The following FAM107B variants were observed in gnomAD, a reference collection of about 807,000 sequenced individuals.
FAM107B encodes protein FAM107B.
In FAM107B, 21 loss-of-function variants were observed where a neutral mutation model predicts 31.5. That is an observed-to-expected ratio of 0.67 (90% confidence interval 0.47 to 0.96). The LOEUF (loss-of-function observed/expected upper bound fraction) is 0.96. Among genes scored for constraint, FAM107B ranks in the 40% least tolerant of loss-of-function variants. The pLI, the probability that FAM107B is intolerant of heterozygous loss-of-function variation, is 0.00. For synonymous variants in FAM107B, 157 were observed against 141.5 expected (o/e 1.11, Z -0.78); for missense variants, 452 against 377.1 (o/e 1.20, Z -1.64).
Position 14,521,265 on chromosome 10 carries a change from A to G in FAM107B, c.846T>C (p.Asn282=), listed in dbSNP as rs191623973. The G allele has an allele frequency of 2.9e-5, 47 of 1,614,072 alleles. No homozygotes were observed. In the African/African-American group the frequency reaches 5.6e-4, roughly 19 times the overall value. ...CTTTCACCTTCACAAACTCGGGGGC[A>G]TTTTCTTGCTCTTCTTGCAATTTCT... The part of the protein sequence containing the change: ...EKQKLQEEQE[N]APEFVKVKGN... Residue 282 remains asparagine, a synonymous_variant, in exon 5 of 5, where the codon AAT becomes AAC. Transcript: ENST00000181796.
chr10:14,595,463 T>A (rs2131353916), intron 2 of FAM107B, among the ~76,000 whole-genome samples: 1 of 139,084 alleles, frequency 7.2e-6, no homozygotes, highest in South Asian at 2.4e-4. Flanking sequence ...TCTTGCTCTG[T>A]CACCCAGGCT....
At chr10:14,574,627 G>A (rs1851407600) in intron 2 of FAM107B, among the ~76,000 whole-genome samples, 1 of 152,194 alleles carries the variant, frequency 6.6e-6, no homozygotes, top group Non-Finnish European at 1.5e-5. Flanking sequence ...ACTGAGAAAA[G>A]GCTTAGCACA....
chr10:14,717,507 A>G (rs1404539087), intron 1 of FAM107B, among the ~76,000 whole-genome samples: 1 of 152,164 alleles, frequency 6.6e-6, no homozygotes, highest in African/African-American at 2.4e-5. Context: ...CTGGAGCAAG[A>G]CCCAGAGTCC....
At chr10:14,579,967 A>ATCTT (rs774815121) in intron 2 of FAM107B, among the ~76,000 whole-genome samples, 42 of 151,900 alleles carry the variant, frequency 2.8e-4, no homozygotes, top group Non-Finnish European at 5.0e-4. Context: ...AGTTGCAGTG[A>ATCTT]GCTGAGATCA....
chr10:14,622,308 A>ATTTT (rs35444318), intron 2 of FAM107B, among the ~76,000 whole-genome samples: 4 of 136,536 alleles, frequency 2.9e-5, no homozygotes, highest in East Asian at 2.1e-4. Context: ...AGTATGAGAG[A>ATTTT]TTTTTTTTTT....
chr10:14,644,941 C>T (rs1254869916), intron 2 of FAM107B, among the ~76,000 whole-genome samples: 1 of 152,168 alleles, frequency 6.6e-6, no homozygotes, highest in Non-Finnish European at 1.5e-5. Flanking sequence ...AGTAGGTGCT[C>T]AATAAATATT....
chr10:14,633,055 T>C (rs1390973617), intron 2 of FAM107B, among the ~76,000 whole-genome samples: 4 of 151,926 alleles, frequency 2.6e-5, no homozygotes, highest in African/African-American at 9.7e-5. Context: ...AAAAATTAGC[T>C]GGGCGTAGTG....
intron 2 of FAM107B, among the ~76,000 whole-genome samples, chr10:14,599,350 G>A (rs1195496810): frequency 2.0e-5 from 3 of 152,282 alleles, no homozygotes; most frequent in Middle Eastern, 3.4e-3. Context: ...CTAAGGGGGT[G>A]CTGTTCTTAC....
At chr10:14,723,799 G>T (rs1159878047) in intron 1 of FAM107B, 2 of 757,802 alleles carry the variant, frequency 2.6e-6, no homozygotes, top group South Asian at 1.3e-5. Flanking sequence ...CTTCAGCAGG[G>T]CCCTCTGGCC....
chr10:14,648,409 A>T (rs1229467964), intron 2 of FAM107B, among the ~76,000 whole-genome samples: 1 of 152,186 alleles, frequency 6.6e-6, no homozygotes, highest in African/African-American at 2.4e-5. Context: ...GTTGCTAGGG[A>T]ACCACTTCCT....
At chr10:14,610,644 C>T (rs560325600) in intron 2 of FAM107B, among the ~76,000 whole-genome samples, 2 of 152,148 alleles carry the variant, frequency 1.3e-5, no homozygotes, top group Non-Finnish European at 2.9e-5. Flanking sequence ...TCTGAAAGAA[C>T]ATGCTAGAAA....
chr10:14,529,713 G>T (rs994302391), intron 3 of FAM107B: 9 of 152,274 alleles, frequency 5.9e-5, no homozygotes, highest in African/African-American at 2.2e-4. Context: ...TTAAAAAGCA[G>T]AGTATAGCAA....
chr10:14,719,155 C>T (rs1223071213), intron 1 of FAM107B, among the ~76,000 whole-genome samples: 1 of 152,192 alleles, frequency 6.6e-6, no homozygotes, highest in African/African-American at 2.4e-5. Context: ...AGGCTTAGAG[C>T]AGGATCCGAG....
At chr10:14,634,862 G>C (rs990628232) in intron 2 of FAM107B, among the ~76,000 whole-genome samples, 1 of 152,122 alleles carries the variant, frequency 6.6e-6, no homozygotes, top group African/African-American at 2.4e-5. Context: ...GGCCGAGGCA[G>C]GCAGATCACT....
intron 1 of FAM107B, among the ~76,000 whole-genome samples, chr10:14,746,940 G>A (rs1414673563): frequency 6.6e-6 from 1 of 152,124 alleles, no homozygotes; most frequent in East Asian, 1.9e-4. Flanking sequence ...GTCAGTCGTA[G>A]GTTTGGTCTT....
At chr10:14,584,619 A>C (rs1588634228) in intron 2 of FAM107B, among the ~76,000 whole-genome samples, 1 of 152,334 alleles carries the variant, frequency 6.6e-6, no homozygotes, top group Non-Finnish European at 1.5e-5. Context: ...CTCTCCCTAC[A>C]ATTATAAACA....
At chr10:14,651,877 G>A (rs1044832921) in intron 2 of FAM107B, among the ~76,000 whole-genome samples, 5 of 152,310 alleles carry the variant, frequency 3.3e-5, no homozygotes, top group African/African-American at 1.2e-4. Flanking sequence ...ACCCAAACCA[G>A]AGTGTGATAC....
chr10:14,615,410 A>G (rs1243986720), intron 2 of FAM107B, among the ~76,000 whole-genome samples: 1 of 152,192 alleles, frequency 6.6e-6, no homozygotes, highest in Non-Finnish European at 1.5e-5. Context: ...ATTAATGGAT[A>G]TCTTTTGGTC....
At chr10:14,618,791 G>A (rs1163485270) in intron 2 of FAM107B, among the ~76,000 whole-genome samples, 5 of 152,058 alleles carry the variant, frequency 3.3e-5, no homozygotes, top group Admixed American at 2.0e-4. Context: ...GAGCCGAGAT[G>A]ATGCCATTGG....
Sources: allele counts gnomAD v4.1 joint callset (sites outside exome capture counted in the v4.1 genomes callset), GRCh38; gene constraint gnomAD v4.1.1; transcripts MANE v1.5; gene names NCBI Gene and HGNC (gene_info 2026-07-23, HGNC 2026-07-21).